Variants in STAU1 observed in about 807,000 individuals in gnomAD.
STAU1 encodes double-stranded RNA-binding protein Staufen homolog 1.
STAU1 carries 13 observed loss-of-function variants against 62.9 expected under a neutral mutation model. The ratio of observed to expected loss-of-function variants is 0.21; its 90% CI spans 0.13 to 0.33. STAU1 has a LOEUF of 0.33. Ranked by LOEUF, STAU1 falls within the 10% of genes least tolerant of loss-of-function variation. STAU1 has a pLI of 1.00. For synonymous variants in STAU1, 269 were observed against 265.1 expected (o/e 1.01, Z -0.14); for missense variants, 571 against 712.1 (o/e 0.80, Z 2.25).
intron 5 of STAU1, among the ~76,000 whole-genome samples, chr20:49,148,361 C>T (rs551346445): frequency 2.0e-5 from 3 of 152,208 alleles, no homozygotes; most frequent in South Asian, 2.1e-4. Flanking sequence ...AAGGTGTATA[C>T]GAAACACAAA....
chr20:49,133,503 C>T (rs1476696086), intron 6 of STAU1, among the ~76,000 whole-genome samples: 1 of 152,172 alleles, frequency 6.6e-6, no homozygotes, highest in Non-Finnish European at 1.5e-5. Flanking sequence ...GAAACAGGTG[C>T]CGGGGGAGAC....
chr20:49,141,189 C>A (rs2092999582), intron 5 of STAU1, among the ~76,000 whole-genome samples: 1 of 152,152 alleles, frequency 6.6e-6, no homozygotes, highest in South Asian at 2.1e-4. Context: ...CAACCTATTT[C>A]AAACATACAG....
At chr20:49,202,230 A>AAAAG in the STAU1 span, among the ~76,000 whole-genome samples, 651 of 130,366 alleles carry the variant, frequency 5.0e-3, 3 homozygotes, top group African/African-American at 0.013. Flanking sequence ...AAAAAAAAAA[A>AAAAG]AAAGAAAGAA....
chr20:49,183,894 G>T (rs914751192), intron 1 of STAU1, among the ~76,000 whole-genome samples: 1 of 150,108 alleles, frequency 6.7e-6, no homozygotes, highest in African/African-American at 2.4e-5. Flanking sequence ...CAAACACTTC[G>T]AATATTAAAC....
intron 6 of STAU1, among the ~76,000 whole-genome samples, chr20:49,125,066 T>A (rs1357651059): frequency 3.2e-5 from 2 of 63,238 alleles, no homozygotes; most frequent in African/African-American, 1.5e-4. Flanking sequence ...CCCGCACACA[T>A]TAAGTAAAAA....
At chr20:49,145,222 G>T (rs899914788) in intron 5 of STAU1, among the ~76,000 whole-genome samples, 20 of 151,790 alleles carry the variant, frequency 1.3e-4, no homozygotes, top group Non-Finnish European at 2.7e-4. Flanking sequence ...TCAGGAGTTC[G>T]AGATGAGCCT....
intron 1 of STAU1, among the ~76,000 whole-genome samples, chr20:49,178,767 A>T (rs923889226): frequency 3.4e-5 from 5 of 147,276 alleles, no homozygotes. Flanking sequence ...AAAATAAAAT[A>T]AAAATATAAA....
chr20:49,178,926 A>C lies in STAU1; in HGVS notation c.-159-4657T>G, dbSNP rs556741741. On this transcript the variant is annotated intron_variant, in intron 1 of 13. Coordinates refer to ENST00000371856, the MANE Select transcript of STAU1 (RefSeq NM_017453.4). The stretch of plus-strand genomic sequence containing the variant: ...GTCTCCACTAAAAAAAAAAAAAAAA[A>C]AACAACTAGCTGGGCATGGTGGCGG... 5.3e-5 allele frequency among the ~76,000 whole-genome samples: 8 copies of C among 150,150 alleles called. No individual in the cohort carries two copies. In the South Asian group the frequency reaches 8.4e-4, roughly 16 times the overall value.
At chr20:49,143,863 A>T (rs952119382) in intron 5 of STAU1, among the ~76,000 whole-genome samples, 1 of 152,220 alleles carries the variant, frequency 6.6e-6, no homozygotes, top group Non-Finnish European at 1.5e-5. Context: ...CCTGAAAAAA[A>T]GCAAGGTCCT....
chr20:49,194,616 C>T, the STAU1 span, among the ~76,000 whole-genome samples: 1 of 151,160 alleles, frequency 6.6e-6, no homozygotes, highest in Non-Finnish European at 1.5e-5. Context: ...CTCGCTCTGT[C>T]GCCCAGACTG....
At chr20:49,153,251 G>GGAAAAAAAAAAAAAA (rs1379385445) in intron 4 of STAU1, among the ~76,000 whole-genome samples, 6 of 99,076 alleles carry the variant, frequency 6.1e-5, no homozygotes, top group African/African-American at 2.4e-4. Context: ...CTCCGTCTCA[G>GGAAAAAAAAAAAAAA]AAAAAAAAAA....
Position 49,151,827 on chromosome 20 carries a change from T to G in STAU1, c.345-80A>C. 4 of 1,274,342 alleles carry G rather than the reference T, an allele frequency of 3.1e-6. No individual in the cohort carries two copies. In the South Asian group the frequency reaches 5.7e-5, roughly 18 times the overall value. 78.9% of individuals were successfully genotyped at this position (1,274,342 alleles called of 1,614,324 possible). On this transcript the variant is annotated intron_variant, in intron 4 of 13. Coordinates refer to ENST00000371856, the MANE Select transcript of STAU1 (RefSeq NM_017453.4). ...TACACTCTCTGGCAAATGCAAGTAT[T>G]TCCTTCATCACGATCCTACTCACAT...
chr20:49,132,486 C>T (rs527854766), intron 6 of STAU1, among the ~76,000 whole-genome samples: 40 of 152,286 alleles, frequency 2.6e-4, no homozygotes, highest in Non-Finnish European at 5.1e-4. Context: ...TGGCTGGGCA[C>T]GGTGGCTCAT....
the STAU1 span, among the ~76,000 whole-genome samples, chr20:49,206,088 A>C: frequency 6.9e-6 from 1 of 144,884 alleles, no homozygotes; most frequent in Non-Finnish European, 1.5e-5. Context: ...GGTTCAAGCG[A>C]TTCTCTGCCT....
At chr20:49,202,264 A>G in the STAU1 span, among the ~76,000 whole-genome samples, 1 of 148,714 alleles carries the variant, frequency 6.7e-6, no homozygotes, top group South Asian at 2.1e-4. Context: ...GAAAGAATCA[A>G]CTAGAATAGG....
At chr20:49,204,614 ATATATATATGTG>A in the STAU1 span, among the ~76,000 whole-genome samples, 324 of 55,260 alleles carry the variant, frequency 5.9e-3, 4 homozygotes, top group Non-Finnish European at 8.4e-3. Flanking sequence ...ATATATATAT[ATATATATATGTG>A]TATATATATA....
At chr20:49,197,624 A>G in the STAU1 span, among the ~76,000 whole-genome samples, 2 of 151,656 alleles carry the variant, frequency 1.3e-5, no homozygotes, top group Non-Finnish European at 2.9e-5. Flanking sequence ...CTGGTCTCGA[A>G]CTCCCGACCT....
the STAU1 span, among the ~76,000 whole-genome samples, chr20:49,199,877 T>C: frequency 6.6e-6 from 1 of 152,062 alleles, no homozygotes; most frequent in Non-Finnish European, 1.5e-5. Context: ...CCCGGCCATA[T>C]TTTTTTATAA....
chr20:49,216,048 G>GA, the STAU1 span, among the ~76,000 whole-genome samples: 4 of 114,958 alleles, frequency 3.5e-5, no homozygotes, highest in Non-Finnish European at 7.3e-5. Flanking sequence ...AGAAGAAGAA[G>GA]AAAAAAAAAG....
Sources: allele counts gnomAD v4.1 joint callset (sites outside exome capture counted in the v4.1 genomes callset), GRCh38; gene constraint gnomAD v4.1.1; transcripts MANE v1.5; gene names NCBI Gene and HGNC (gene_info 2026-07-23, HGNC 2026-07-21).